PCSK1: variants seen among roughly 807,000 people sequenced by gnomAD.
PCSK1 encodes neuroendocrine convertase 1.
PCSK1 carries 56 observed loss-of-function variants against 90.6 expected under a neutral mutation model. That is an observed-to-expected ratio of 0.62 (90% CI 0.50 to 0.77). The LOEUF is 0.77. Ranked by LOEUF, PCSK1 falls within the 30% of genes least tolerant of loss-of-function variation. The probability of loss-of-function intolerance (pLI) is 0.00; values close to 1 mark genes in which losing one functional copy is unlikely to be tolerated. For synonymous variants in PCSK1, 348 were observed against 342.4 expected, an observed-to-expected ratio of 1.02 and a Z score of -0.18; for missense variants, 801 against 932.6, an observed-to-expected ratio of 0.86 and a Z score of 1.84.
chr5:96,429,232 C>T lies in PCSK1; in HGVS notation c.266G>A (p.Arg89Lys). The T allele has an allele frequency of 6.4e-7, 1 of 1,558,528 alleles. No individual in the cohort carries two copies. The highest frequency in any genetic ancestry group is 8.9e-7 in the Non-Finnish European group (1 of 1,129,606). ...SRRSAFHITK[R>K]LSDDDRVIWA... ...ACTTACACGATCATCATCAGATAAT[C>T]TCTTAGTGATATGAAAGGCACTCCT... Residue 89 changes from arginine to lysine, a missense_variant, in exon 2 of 14, where the codon AGA (arginine) becomes AAA (lysine). Coordinates refer to ENST00000311106, the MANE Select transcript of PCSK1 (RefSeq NM_000439.5).
At chr5:96,412,761 T>TG (rs1760810009) in intron 6 of PCSK1, among the ~76,000 whole-genome samples, 3 of 145,358 alleles carry the variant, frequency 2.1e-5, no homozygotes, top group Admixed American at 6.7e-5. Context: ...TGTTTTTTTT[T>TG]TTTTTTTTTT....
At chr5:96,425,305 A>G (rs1761272927) in intron 3 of PCSK1, among the ~76,000 whole-genome samples, 1 of 152,238 alleles carries the variant, frequency 6.6e-6, no homozygotes, top group African/African-American at 2.4e-5. Flanking sequence ...TTTGGTAACT[A>G]TCTTAAAGGT....
chr5:96,424,271 G>A (rs1449585254), intron 3 of PCSK1, among the ~76,000 whole-genome samples: 2 of 152,206 alleles, frequency 1.3e-5, no homozygotes, highest in Admixed American at 6.5e-5. Context: ...CCATAAAGAG[G>A]TTGGGGGGTG....
intron 8 of PCSK1, among the ~76,000 whole-genome samples, chr5:96,410,300 A>G (rs1347327458): frequency 1.3e-5 from 2 of 151,942 alleles, no homozygotes; most frequent in East Asian, 1.9e-4. Context: ...TGAAACTGCT[A>G]TTTTCCTGCA....
rs757455835 is a variant in PCSK1, at chr5:96,399,980, A to G, written c.1403T>C (p.Val468Ala). The G allele has an allele frequency of 1.6e-5, 26 of 1,613,750 alleles. No homozygotes were observed. The highest frequency in any genetic ancestry group is 2.1e-5 in the Non-Finnish European group (25 of 1,179,802). Reference sequence around the variant, plus strand: ...GGGCTCAAAGTCATTGTCCTTTACAACACACTCTTTCTTCTCAGGCACGCT... The same window carrying G: ...GGGCTCAAAGTCATTGTCCTTTACAGCACACTCTTTCTTCTCAGGCACGCT... The part of the protein sequence containing the change: ...WRSVPEKKEC[V>A]VKDNDFEPRA... The change falls in exon 10 of 14, where the codon GTT becomes GCT. Residue 468 changes from valine (V) to alanine (A), a missense_variant. Coordinates refer to ENST00000311106, the MANE Select transcript of PCSK1 (RefSeq NM_000439.5).
chr5:96,416,414 A>C (rs2112429912), intron 5 of PCSK1, among the ~76,000 whole-genome samples: 1 of 152,364 alleles, frequency 6.6e-6, no homozygotes, highest in Non-Finnish European at 1.5e-5. Flanking sequence ...TATGTAAAAC[A>C]CTTAGAGCAG....
intron 9 of PCSK1, among the ~76,000 whole-genome samples, chr5:96,400,717 CTA>C (rs745743204): frequency 6.6e-6 from 1 of 152,162 alleles, no homozygotes; most frequent in African/African-American, 2.4e-5. Context: ...AAACTCTTAG[CTA>C]TTTGAGCTCA....
chr5:96,401,930 T>C (rs1475355281), intron 9 of PCSK1, among the ~76,000 whole-genome samples: 1 of 152,218 alleles, frequency 6.6e-6, no homozygotes, highest in Non-Finnish European at 1.5e-5. Context: ...TAAAACATAT[T>C]GCTCCTAGTC....
In PCSK1 at chr5:96,425,816, T is replaced by G; in HGVS notation, c.396+4A>C. 1 of 1,514,786 alleles carries G rather than the reference T, an allele frequency of 6.6e-7. No individual in the cohort carries two copies. Among genetic ancestry groups the G allele is most frequent in the Non-Finnish European group, 9.2e-7 (1 of 1,089,270 alleles). 93.8% of individuals were successfully genotyped at this position (1,514,786 alleles called of 1,614,324 possible). On this transcript the variant is annotated splice_donor_region_variant and intron_variant, in intron 3 of 13. Coordinates refer to ENST00000311106, the MANE Select transcript of PCSK1 (RefSeq NM_000439.5). The stretch of plus-strand genomic sequence containing the variant: ...ACCCACATAGTCCTTCTGTAGGTAC[T>G]TACCAAGTACCATTGCTGATTCCAC...
intron 6 of PCSK1, among the ~76,000 whole-genome samples, chr5:96,414,019 G>C (rs1410874479): frequency 7.0e-6 from 1 of 142,538 alleles, no homozygotes; most frequent in Non-Finnish European, 1.5e-5. Flanking sequence ...GGTTCCTGTA[G>C]TCCTAGCTAC....
At chr5:96,407,574 AC>A (rs1760615631) in intron 9 of PCSK1, among the ~76,000 whole-genome samples, 1 of 152,198 alleles carries the variant, frequency 6.6e-6, no homozygotes, top group African/African-American at 2.4e-5. Flanking sequence ...TTGCCCTTTG[AC>A]CCAGAAATTC....
chr5:96,423,797 A>G (rs1008936217), intron 3 of PCSK1, among the ~76,000 whole-genome samples: 8 of 152,164 alleles, frequency 5.3e-5, no homozygotes, highest in Non-Finnish European at 1.2e-4. Context: ...TGGAAGCTCT[A>G]TTTGATAGTC....
chr5:96,422,539 G>A (rs541014518), intron 4 of PCSK1, among the ~76,000 whole-genome samples: 142 of 152,190 alleles, frequency 9.3e-4, no homozygotes, highest in African/African-American at 3.2e-3. Flanking sequence ...AACGCCTCCC[G>A]CATACCCTTA....
chr5:96,399,726 G>A (rs1168099158), intron 10 of PCSK1, among the ~76,000 whole-genome samples: 1 of 152,124 alleles, frequency 6.6e-6, no homozygotes, highest in African/African-American at 2.4e-5. Flanking sequence ...CTTAGACTGG[G>A]TGCTATGTGG....
At position 96,426,640 on chromosome 5, in the gene PCSK1, A is replaced by C. The variant is rs3811950; in HGVS notation, c.286-710T>G. Reference sequence around the variant, plus strand: ...TTATACTTGAAGCCCTGAGAGAGTGAGGGGCTGCCTTGTAGTTATATTCAT... The same window carrying C: ...TTATACTTGAAGCCCTGAGAGAGTGCGGGGCTGCCTTGTAGTTATATTCAT... On this transcript the variant is annotated intron_variant, in intron 2 of 13. Coordinates refer to ENST00000311106, the MANE Select transcript of PCSK1 (RefSeq NM_000439.5). 5.3e-5 allele frequency among the ~76,000 whole-genome samples: 8 copies of C among 152,330 alleles called. No individual in the cohort carries two copies. The East Asian group carries it at 1.5e-3, about 29-fold the overall frequency.
intron 3 of PCSK1, among the ~76,000 whole-genome samples, chr5:96,424,149 G>A (rs1285031753): frequency 6.6e-6 from 1 of 152,204 alleles, no homozygotes; most frequent in Non-Finnish European, 1.5e-5. Flanking sequence ...GTGAGACAGA[G>A]ACAGTAAAAG....
intron 5 of PCSK1, among the ~76,000 whole-genome samples, chr5:96,417,269 A>G (rs2112431218): frequency 6.6e-6 from 1 of 152,308 alleles, no homozygotes; most frequent in Non-Finnish European, 1.5e-5. Flanking sequence ...CCACAAAATA[A>G]GATTCCTGCT....
intron 4 of PCSK1, among the ~76,000 whole-genome samples, chr5:96,422,862 C>T (rs1321316736): frequency 6.7e-6 from 1 of 150,152 alleles, no homozygotes; most frequent in Non-Finnish European, 1.5e-5. Context: ...GGCATAGGTG[C>T]ATTGTGTGGT....
At chr5:96,425,058 AAGAAAGAAAG>A (rs1473885325) in intron 3 of PCSK1, among the ~76,000 whole-genome samples, 3 of 131,832 alleles carry the variant, frequency 2.3e-5, no homozygotes, top group Non-Finnish European at 5.1e-5. Flanking sequence ...GAAAGAAAGA[AAGAAAGAAAG>A]AAAGAAAACG....
Sources: gnomAD v4.1 joint callset for allele counts (sites outside exome capture counted in the v4.1 genomes callset) on GRCh38, gnomAD v4.1.1 for gene constraint, MANE v1.5 for transcripts, NCBI Gene and HGNC (gene_info 2026-07-23, HGNC 2026-07-21) for gene names.